The following MAP4 variants were observed in gnomAD, a reference collection of about 807,000 sequenced individuals.
MAP4 encodes microtubule associated protein 4.
Under a neutral mutation model 170.2 loss-of-function variants are expected in MAP4, and 76 were observed. The observed-to-expected ratio is 0.45, with a 90% CI of 0.37 to 0.54. The LOEUF is 0.54. MAP4 is among the 20% of genes least tolerant of loss of function. MAP4 has a pLI of 0.00. For missense variants in MAP4, 2,506 were observed against 2,748.0 expected, an observed-to-expected ratio of 0.91 and a Z score of 1.97; for synonymous variants, 909 against 994.5, an observed-to-expected ratio of 0.91 and a Z score of 1.62.
intron 3 of MAP4, chr3:47,973,902 T>C (rs2100080336): frequency 1.0e-6 from 1 of 984,958 alleles, no homozygotes; most frequent in Admixed American, 6.1e-5. Context: ...TATCAACTGC[T>C]AAGAAGATAA....
At chr3:47,915,399 A>G (rs1477294648) in intron 7 of MAP4, among the ~76,000 whole-genome samples, 1 of 152,116 alleles carries the variant, frequency 6.6e-6, no homozygotes, top group Non-Finnish European at 1.5e-5. Flanking sequence ...TACAGGTGTG[A>G]GCCACCATGC....
intron 1 of MAP4, among the ~76,000 whole-genome samples, chr3:48,054,596 C>T (rs1309982340): frequency 2.9e-5 from 4 of 138,178 alleles, no homozygotes; most frequent in African/African-American, 5.5e-5. Context: ...TGCCACTGCA[C>T]GCCAACCTGG....
Position 48,000,555 on chromosome 3 carries a change from CAAG to C in MAP4, c.-19-1679_-19-1677del, listed in dbSNP as rs534344061. Among the ~76,000 whole-genome samples, 87 of 152,190 alleles carry C rather than the reference CAAG, an allele frequency of 5.7e-4. No individual in the cohort carries two copies. The Middle Eastern group carries it at 0.01, about 18-fold the overall frequency. On this transcript the variant is annotated intron_variant, in intron 1 of 20. Transcript: ENST00000683076. Reference sequence around the variant, plus strand: ...GACTAGAGTTGGGTCAATCAGAAGTCAAGAAGAAGACAGTTGGAAAGGATCATT... The same window carrying C: ...GACTAGAGTTGGGTCAATCAGAAGTCAAGAAGACAGTTGGAAAGGATCATT...
At chr3:47,981,357 C>T (rs1027514558) in intron 2 of MAP4, among the ~76,000 whole-genome samples, 43 of 151,914 alleles carry the variant, frequency 2.8e-4, no homozygotes, top group African/African-American at 1.0e-3. Flanking sequence ...GAATTTGAGA[C>T]CAGCCTGGGC....
intron 10 of MAP4, among the ~76,000 whole-genome samples, chr3:47,900,876 G>A (rs2100029624): frequency 1.3e-5 from 2 of 152,122 alleles, no homozygotes; most frequent in Admixed American, 1.3e-4. Context: ...TAGGTAGAAA[G>A]ATAACCCATT....
rs2100035030 is a variant in MAP4 at position 47,909,777 on chromosome 3, C to CTTA, written c.4643_4644insTAA (p.Val1548_Ile1549insLys). 1 of 1,613,902 alleles carries CTTA rather than the reference C, an allele frequency of 6.2e-7. No individual in the cohort carries two copies. The highest frequency in any genetic ancestry group is 1.3e-5 in the African/African-American group (1 of 74,932). ...TGTGCACTGACTCAGATTCTCCTAT[C>CTTA]ACATGCCCTTCATCGATCCCTGCTT... On this transcript the variant is annotated inframe_insertion, in exon 9 of 21. Coordinates refer to ENST00000683076, the MANE Select transcript of MAP4 (RefSeq NM_001385682.1).
intron 3 of MAP4, among the ~76,000 whole-genome samples, chr3:47,960,158 C>T (rs186030023): frequency 9.2e-5 from 14 of 152,292 alleles, no homozygotes; most frequent in Admixed American, 5.2e-4. Flanking sequence ...CCACCATGCC[C>T]GGGCAGAGTT....
chr3:47,925,909 CAA>C, intron 4 of MAP4, among the ~76,000 whole-genome samples: 2 of 152,184 alleles, frequency 1.3e-5, no homozygotes, highest in African/African-American at 4.8e-5. Flanking sequence ...AGCTGGAGTA[CAA>C]TGGCACGATC....
chr3:47,948,270 G>A (rs528048751), intron 3 of MAP4, among the ~76,000 whole-genome samples: 13 of 137,680 alleles, frequency 9.4e-5, no homozygotes, highest in African/African-American at 3.5e-4. Flanking sequence ...TCTCAGCTCT[G>A]TTGCCCAGGA....
At chr3:47,932,603 G>A (rs562596741) in intron 3 of MAP4, among the ~76,000 whole-genome samples, 124 of 152,006 alleles carry the variant, frequency 8.2e-4, no homozygotes, top group Non-Finnish European at 1.3e-3. Flanking sequence ...TTTTTTTATC[G>A]TAGTCACCCT....
At chr3:47,918,231 G>A (rs370122783) in intron 6 of MAP4, among the ~76,000 whole-genome samples, 32 of 152,190 alleles carry the variant, frequency 2.1e-4, no homozygotes, top group East Asian at 1.9e-3. Context: ...TGATCTGCCC[G>A]CCTTGGCCTC....
chr3:47,895,797 A>T (rs1324785606), intron 10 of MAP4, among the ~76,000 whole-genome samples: 4 of 152,270 alleles, frequency 2.6e-5, no homozygotes, highest in African/African-American at 9.6e-5. Flanking sequence ...AATGTGAACC[A>T]GCCAAAAGAC....
rs997859937 is a variant in MAP4 at position 47,912,261 on chromosome 3, A to G, written c.2160T>C (p.Ser720=). The G allele has an allele frequency of 4.0e-5, 62 of 1,536,152 alleles. No individual in the cohort carries two copies. In the East Asian group the frequency reaches 6.1e-4, roughly 15 times the overall value. The change falls in exon 9 of 21, where the codon TCT becomes TCC. Residue 720 remains serine, a synonymous_variant. Coordinates refer to ENST00000683076, the MANE Select transcript of MAP4 (RefSeq NM_001385682.1). The stretch of plus-strand genomic sequence containing the variant: ...CAGAGACCCAACCTGACTCAGACAA[A>G]GAGCAGTGGCCCAGCCTGTGATCAA... The part of the protein sequence containing the change: ...KTLDHRLGHC[S]LSESGWVSGS...
In MAP4 at chr3:47,909,322, T is replaced by C; in HGVS notation, c.5099A>G (p.Lys1700Arg). 1.2e-6 allele frequency: 2 copies of C among 1,613,940 alleles called. No individual in the cohort carries two copies. The highest frequency in any genetic ancestry group is 1.7e-6 in the Non-Finnish European group (2 of 1,179,856). Residue 1700 changes from lysine to arginine, a missense_variant, in exon 9 of 21, where the codon AAA (lysine) becomes AGA (arginine). By Grantham distance (26) the Lys-to-Arg change is conservative. Coordinates refer to ENST00000683076, the MANE Select transcript of MAP4 (RefSeq NM_001385682.1). The part of the protein sequence containing the change: ...PEIQSDFLHS[K>R]VEAPPSEVAD... ...CACCTCTGAAGGAGGAGCTTCGACT[T>C]TGCTATGTAAGAAATCTGACTGGAT... is the stretch of plus-strand genomic sequence containing the variant.
Position 47,875,681 on chromosome 3 carries a change from T to C in MAP4, c.5757+4A>G, listed in dbSNP as rs769749992. On this transcript the variant is annotated splice_donor_region_variant and intron_variant, in intron 12 of 20. Coordinates refer to ENST00000683076, the MANE Select transcript of MAP4 (RefSeq NM_001385682.1). Reference sequence around the variant, plus strand: ...CTCGGCACAGTAGTTAGGTGACCACTTACCTTTGGCTTCACGTCTTTTGAA... The same window carrying C: ...CTCGGCACAGTAGTTAGGTGACCACCTACCTTTGGCTTCACGTCTTTTGAA... 1.9e-6 allele frequency: 3 copies of C among 1,611,638 alleles called. No homozygotes were observed. The highest frequency in any genetic ancestry group is 1.7e-6 in the Non-Finnish European group (2 of 1,179,598).
Position 47,910,310 on chromosome 3 carries a change from C to T in MAP4, c.4111G>A (p.Val1371Ile), listed in dbSNP as rs2153504515. ...TGCTTCTCAGGAGAACTATTTTTAA[C>T]CTTTTTACTTTTTCCATCATTACTC... is the stretch of plus-strand genomic sequence containing the variant. ...KRSNDGKSKK[V>I]KNSSPEKHIL... The change falls in exon 9 of 21, where the codon GTT (valine) becomes ATT (isoleucine). Residue 1371 changes from valine to isoleucine, a missense_variant. By Grantham distance (29) the Val-to-Ile change is conservative. Transcript: ENST00000683076. The T allele has an allele frequency of 6.4e-7, 1 of 1,573,698 alleles. No individual in the cohort carries two copies. The highest frequency in any genetic ancestry group is 2.3e-5 in the East Asian group (1 of 44,428).
At chr3:47,892,252 A>G in intron 10 of MAP4, 1 of 1,536,314 alleles carries the variant, frequency 6.5e-7, no homozygotes, top group Non-Finnish European at 8.7e-7. Context: ...GCTTCCCCTC[A>G]AAAAAGCAGA....
At chr3:47,944,844 T>C (rs1024779596) in intron 3 of MAP4, among the ~76,000 whole-genome samples, 1 of 151,934 alleles carries the variant, frequency 6.6e-6, no homozygotes, top group Non-Finnish European at 1.5e-5. Context: ...GTTTTTTTTT[T>C]TTAATTATGA....
rs117919277 is a variant in MAP4 at position 47,963,270 on chromosome 3, T to A, written c.292+14595A>T. Among the ~76,000 whole-genome samples, 6 of 152,376 alleles carry A rather than the reference T, an allele frequency of 3.9e-5. No homozygotes were observed. In the East Asian group the frequency reaches 1.2e-3, roughly 29 times the overall value. On this transcript the variant is annotated intron_variant, in intron 3 of 20. Coordinates refer to ENST00000683076, the MANE Select transcript of MAP4 (RefSeq NM_001385682.1). ...AACAAAAGTATATAATGGGTTGAAC[T>A]GTAAGAACTTTCTATGTGGACATTA...
Sources: allele counts gnomAD v4.1 joint callset (sites outside exome capture counted in the v4.1 genomes callset), GRCh38; gene constraint gnomAD v4.1.1; transcripts MANE v1.5; gene names NCBI Gene and HGNC (gene_info 2026-07-23, HGNC 2026-07-21).